The following CYP4Z1 variants were observed in gnomAD, a reference collection of about 807,000 sequenced individuals.
The protein encoded by CYP4Z1 is cytochrome P450 family 4 subfamily Z member 1.
In CYP4Z1, 41 loss-of-function variants were observed where a neutral mutation model predicts 54.2. That is an observed-to-expected ratio of 0.76 (90% confidence interval 0.59 to 0.98). CYP4Z1 has a LOEUF of 0.98. Among genes scored for constraint, CYP4Z1 ranks in the 50% least tolerant of loss-of-function variants. The probability of loss-of-function intolerance (pLI) is 0.00; values close to 1 mark genes in which losing one functional copy is unlikely to be tolerated. For missense variants in CYP4Z1, 513 were observed against 599.0 expected, an observed-to-expected ratio of 0.86 and a Z score of 1.50; for synonymous variants, 163 against 206.2, an observed-to-expected ratio of 0.79 and a Z score of 1.79.
At chr1:47,096,629 C>CTTTTT (rs35869199) in intron 7 of CYP4Z1, 5 of 121,202 alleles carry the variant, frequency 4.1e-5, no homozygotes, top group Non-Finnish European at 6.7e-5. Context: ...ATTTGCTCTT[C>CTTTTT]TTTTTTTTTT....
chr1:47,068,020 C>T (rs1644463051), intron 1 of CYP4Z1, among the ~76,000 whole-genome samples: 1 of 152,148 alleles, frequency 6.6e-6, no homozygotes, highest in African/African-American at 2.4e-5. Context: ...TTAACAGGAA[C>T]TATACCAAGA....
rs1446827493 is a variant in CYP4Z1, at chr1:47,092,782, A to G, written c.773-1784A>G. On this transcript the variant is annotated intron_variant, in intron 6 of 11. Transcript: ENST00000334194. ...AGCTGCTGTGAGGGTCTGGTTTAGG[A>G]ACAGCATAACATCCCTCCATGGCAG... Among the ~76,000 whole-genome samples, 3 of 151,136 alleles carry G rather than the reference A, an allele frequency of 2.0e-5. No homozygotes were observed. The East Asian group carries it at 5.8e-4, about 29-fold the overall frequency.
chr1:47,056,122 T>TCG, the CYP4Z1 span, among the ~76,000 whole-genome samples: 2 of 152,240 alleles, frequency 1.3e-5, no homozygotes, highest in Non-Finnish European at 2.9e-5. Flanking sequence ...ATGTTGTGTC[T>TCG]TTGTTCTCGT....
chr1:47,117,282 G>A (rs1327806569), intron 11 of CYP4Z1, among the ~76,000 whole-genome samples: 3 of 152,100 alleles, frequency 2.0e-5, no homozygotes, highest in African/African-American at 7.2e-5. Flanking sequence ...TTCAAGTTAC[G>A]TGGACCTTGC....
chr1:47,066,979 G>A (rs1277575430), upstream of CYP4Z1, among the ~76,000 whole-genome samples: 1 of 152,092 alleles, frequency 6.6e-6, no homozygotes, highest in Admixed American at 6.6e-5. Flanking sequence ...TTATACTCTG[G>A]TGGAGGATTT....
At chr1:47,098,593 A>C (rs1319342617) in intron 7 of CYP4Z1, among the ~76,000 whole-genome samples, 1 of 152,232 alleles carries the variant, frequency 6.6e-6, no homozygotes, top group African/African-American at 2.4e-5. Flanking sequence ...ATTCATATGT[A>C]ATACATTTCT....
chr1:47,094,727 G>A, intron 7 of CYP4Z1, 58 bp downstream of exon 7: 3 of 1,358,664 alleles, frequency 2.2e-6, no homozygotes, highest in South Asian at 2.5e-5. Context: ...TAAAGAAATA[G>A]GCCGGGCACA....
At chr1:47,101,911 A>G (rs753504631) in intron 8 of CYP4Z1, among the ~76,000 whole-genome samples, 12 of 152,160 alleles carry the variant, frequency 7.9e-5, no homozygotes, top group Non-Finnish European at 1.5e-4. Context: ...TTTAGATCTA[A>G]CAATATTTGC....
chr1:47,111,851 T>A (rs1644794076), intron 9 of CYP4Z1, among the ~76,000 whole-genome samples: 1 of 152,130 alleles, frequency 6.6e-6, no homozygotes, highest in Admixed American at 6.5e-5. Flanking sequence ...TCATCTGGAG[T>A]TTTTTGTTTA....
intron 7 of CYP4Z1, among the ~76,000 whole-genome samples, chr1:47,095,776 G>A (rs1331178078): frequency 6.6e-6 from 1 of 152,094 alleles, no homozygotes; most frequent in East Asian, 1.9e-4. Context: ...ATTCTGGTTT[G>A]GTCCAAATCT....
the CYP4Z1 span, among the ~76,000 whole-genome samples, chr1:47,057,335 A>AAAAAAAAAAGATAT: frequency 3.5e-5 from 1 of 28,492 alleles, no homozygotes; most frequent in Non-Finnish European, 8.4e-5. Context: ...AAGAAAAAAA[A>AAAAAAAAAAGATAT]ATATATATAT....
At chr1:47,064,898 C>T (rs1241126641), upstream of CYP4Z1, among the ~76,000 whole-genome samples, 8 of 152,080 alleles carry the variant, frequency 5.3e-5, no homozygotes, top group Non-Finnish European at 4.4e-5. Context: ...AGTAGCTGTT[C>T]TTATACCAGA....
intron 11 of CYP4Z1, among the ~76,000 whole-genome samples, chr1:47,117,395 C>T (rs971359569): frequency 6.6e-6 from 1 of 152,088 alleles, no homozygotes; most frequent in African/African-American, 2.4e-5. Context: ...ACTTTCTGAT[C>T]GGGGCTTACT....
chr1:47,058,518 C>G, the CYP4Z1 span, among the ~76,000 whole-genome samples: 1 of 152,072 alleles, frequency 6.6e-6, no homozygotes, highest in Non-Finnish European at 1.5e-5. Flanking sequence ...GCATGGCATG[C>G]TTTCCTGCTT....
the CYP4Z1 span, among the ~76,000 whole-genome samples, chr1:47,059,202 T>C: frequency 6.6e-6 from 1 of 152,202 alleles, no homozygotes; most frequent in Non-Finnish European, 1.5e-5. Context: ...ATTTTATACT[T>C]ACATAATATT....
At chr1:47,112,769 G>A (rs900328414) in intron 9 of CYP4Z1, among the ~76,000 whole-genome samples, 6 of 151,894 alleles carry the variant, frequency 4.0e-5, no homozygotes, top group African/African-American at 1.5e-4. Context: ...GTGCATCATG[G>A]CCAAGTAAGT....
In CYP4Z1 at chr1:47,082,426, A is replaced by G. The variant is rs1441622373; in HGVS notation, c.457A>G (p.Ile153Val). ...CAACATCAGCATTCTGAAAATATTCATCACCATGATGTCTGAGAGTGTTCG... is the reference window on the plus strand; with the variant it reads ...CAACATCAGCATTCTGAAAATATTCGTCACCATGATGTCTGAGAGTGTTCG... ...GFNISILKIF[I>V]TMMSESVRMM... The change falls in exon 4 of 12, where the codon ATC becomes GTC. Residue 153 changes from isoleucine (I) to valine (V), a missense_variant. Transcript: ENST00000334194. 2 of 1,613,620 alleles carry G rather than the reference A, an allele frequency of 1.2e-6. No homozygotes were observed. The highest frequency in any genetic ancestry group is 2.7e-5 in the African/African-American group (2 of 74,918).
At chr1:47,115,463 AAG>A (rs1286523077) in intron 9 of CYP4Z1, 64 bp from the exon 10 acceptor site, 3 of 1,457,068 alleles carry the variant, frequency 2.1e-6, no homozygotes, top group South Asian at 2.5e-5. Flanking sequence ...AAAAAAGTAA[AAG>A]AGAAAAAAAA....
At chr1:47,102,761 T>G (rs1644729927) in intron 8 of CYP4Z1, among the ~76,000 whole-genome samples, 1 of 152,216 alleles carries the variant, frequency 6.6e-6, no homozygotes, top group Non-Finnish European at 1.5e-5. Flanking sequence ...GCATTTTCTC[T>G]TCATCTTTGA....
Sources: allele counts gnomAD v4.1 joint callset (sites outside exome capture counted in the v4.1 genomes callset), GRCh38; gene constraint gnomAD v4.1.1; transcripts MANE v1.5; gene names NCBI Gene and HGNC (gene_info 2026-07-23, HGNC 2026-07-21).